Variants in TYW1 observed in about 807,000 individuals in gnomAD.
TYW1 encodes tRNA-yW synthesizing protein 1 homolog.
In TYW1, 46 loss-of-function variants were observed where a neutral mutation model predicts 96.2. That is an observed-to-expected ratio of 0.48 (90% CI 0.38 to 0.61). The LOEUF is 0.61. Ranked by LOEUF, TYW1 falls within the 20% of genes least tolerant of loss-of-function variation. TYW1 has a pLI of 0.00. For missense variants in TYW1, 684 were observed against 909.6 expected, an observed-to-expected ratio of 0.75 and a Z score of 3.19; for synonymous variants, 274 against 323.0, an observed-to-expected ratio of 0.85 and a Z score of 1.63.
intron 12 of TYW1, among the ~76,000 whole-genome samples, chr7:67,114,087 CAG>C: frequency 6.6e-6 from 1 of 152,244 alleles, no homozygotes. Context: ...AAGCACACAG[CAG>C]AGTGTGCCAG....
chr7:67,133,614 CAAA>C (rs1224801455), intron 13 of TYW1, among the ~76,000 whole-genome samples: 5 of 56,832 alleles, frequency 8.8e-5, no homozygotes, highest in African/African-American at 2.2e-4. Flanking sequence ...GTTTCCATCT[CAAA>C]AAAAAAAAAA....
intron 13 of TYW1, among the ~76,000 whole-genome samples, chr7:67,119,286 A>G (rs989813887): frequency 6.6e-6 from 1 of 151,984 alleles, no homozygotes; most frequent in Admixed American, 6.6e-5. Flanking sequence ...CCCAGGCGTC[A>G]TTTGGTATGC....
At chr7:67,077,044 G>A (rs1188185586) in intron 10 of TYW1, among the ~76,000 whole-genome samples, 1 of 152,182 alleles carries the variant, frequency 6.6e-6, no homozygotes, top group Non-Finnish European at 1.5e-5. Flanking sequence ...AAAGTGCTGG[G>A]ATTACAGGCG....
At chr7:67,060,242 A>T (rs1249123469) in intron 9 of TYW1, among the ~76,000 whole-genome samples, 1 of 150,986 alleles carries the variant, frequency 6.6e-6, no homozygotes, top group Admixed American at 6.6e-5. Context: ...CTCCCAACTA[A>T]TTTTTATATT....
At chr7:67,215,570 TG>T (rs376718897) in intron 15 of TYW1, among the ~76,000 whole-genome samples, 52 of 152,340 alleles carry the variant, frequency 3.4e-4, no homozygotes, top group African/African-American at 1.2e-3. Flanking sequence ...CTCCCTTTTC[TG>T]TACAACTTTT....
At chr7:67,166,104 G>A (rs1799313895) in intron 13 of TYW1, among the ~76,000 whole-genome samples, 1 of 151,070 alleles carries the variant, frequency 6.6e-6, no homozygotes, top group African/African-American at 2.4e-5. Context: ...AAAATAAGCT[G>A]GACATGGTTG....
At chr7:67,065,814 C>G (rs1183816390) in intron 9 of TYW1, among the ~76,000 whole-genome samples, 1 of 151,954 alleles carries the variant, frequency 6.6e-6, no homozygotes, top group Admixed American at 6.6e-5. Flanking sequence ...AGTTCAAGAC[C>G]AGCCTGACCA....
At chr7:67,152,801 A>G (rs571608841) in intron 13 of TYW1, among the ~76,000 whole-genome samples, 37 of 152,062 alleles carry the variant, frequency 2.4e-4, no homozygotes, top group Non-Finnish European at 4.6e-4. Context: ...AGGTTTCACC[A>G]TGTTAGCCAG....
chr7:67,127,175 T>TTTC (rs1554370854), intron 13 of TYW1, among the ~76,000 whole-genome samples: 1 of 150,682 alleles, frequency 6.6e-6, no homozygotes. Flanking sequence ...TTTTTTTTTT[T>TTTC]CGAGATCGAG....
At chr7:67,189,763 G>A (rs1800152284) in intron 14 of TYW1, among the ~76,000 whole-genome samples, 1 of 152,152 alleles carries the variant, frequency 6.6e-6, no homozygotes, top group Non-Finnish European at 1.5e-5. Context: ...AAAATCAATA[G>A]AGGCTATTGC....
chr7:67,192,986 G>C (rs1287912758), intron 14 of TYW1, among the ~76,000 whole-genome samples: 1 of 152,180 alleles, frequency 6.6e-6, no homozygotes, highest in African/African-American at 2.4e-5. Flanking sequence ...CAAATTCAGG[G>C]GGAGTTAGTA....
chr7:67,184,465 C>G (rs1799937296), intron 14 of TYW1, among the ~76,000 whole-genome samples: 1 of 151,954 alleles, frequency 6.6e-6, no homozygotes, highest in South Asian at 2.1e-4. Flanking sequence ...GCTTGCCTCT[C>G]ATATTTTTGC....
intron 15 of TYW1, among the ~76,000 whole-genome samples, chr7:67,206,713 G>T (rs1220027698): frequency 2.0e-5 from 3 of 151,840 alleles, no homozygotes; most frequent in Non-Finnish European, 4.4e-5. Context: ...AAGCAGAAAA[G>T]GAGCAAAACA....
intron 10 of TYW1, among the ~76,000 whole-genome samples, chr7:67,070,568 T>C (rs556901802): frequency 3.7e-4 from 56 of 152,290 alleles, no homozygotes; most frequent in African/African-American, 1.3e-3. Context: ...CAGTTATTAT[T>C]CTTTCACATC....
At chr7:67,149,109 C>G (rs1317971020) in intron 13 of TYW1, among the ~76,000 whole-genome samples, 1 of 152,218 alleles carries the variant, frequency 6.6e-6, no homozygotes, top group East Asian at 1.9e-4. Flanking sequence ...CACGGCCATT[C>G]ACCTCACCAC....
intron 14 of TYW1, among the ~76,000 whole-genome samples, chr7:67,192,662 T>C (rs1800257590): frequency 6.6e-6 from 1 of 152,210 alleles, no homozygotes; most frequent in Admixed American, 6.5e-5. Flanking sequence ...CATATCATTA[T>C]TTGCCTTTTT....
chr7:67,124,195 G>A (rs1226935880), intron 13 of TYW1, among the ~76,000 whole-genome samples: 1 of 152,258 alleles, frequency 6.6e-6, no homozygotes, highest in South Asian at 2.1e-4. Flanking sequence ...TCATACATAT[G>A]TGTCTATATT....
At chr7:67,058,097 G>A (rs1795581356) in intron 9 of TYW1, among the ~76,000 whole-genome samples, 1 of 151,970 alleles carries the variant, frequency 6.6e-6, no homozygotes, top group Non-Finnish European at 1.5e-5. Flanking sequence ...ACCATGCCCG[G>A]CTAATTTTTT....
chr7:67,148,800 A>AG (rs762291132), intron 13 of TYW1, among the ~76,000 whole-genome samples: 8 of 152,232 alleles, frequency 5.3e-5, no homozygotes, highest in Middle Eastern at 3.4e-3. Flanking sequence ...GAATTGGGGG[A>AG]GGGGGCACTC....
Sources: allele counts gnomAD v4.1 joint callset (sites outside exome capture counted in the v4.1 genomes callset), GRCh38; gene constraint gnomAD v4.1.1; transcripts MANE v1.5; gene names NCBI Gene and HGNC (gene_info 2026-07-23, HGNC 2026-07-21).